RYR2: variants seen among roughly 807,000 people sequenced by gnomAD.
RYR2 encodes the protein ryanodine receptor 2, also known as cardiac muscle ryanodine receptor-calcium release channel.
RYR2 carries 227 observed loss-of-function variants against 601.1 expected under a neutral mutation model. That is an observed-to-expected ratio of 0.38 (90% CI 0.34 to 0.42). The LOEUF (loss-of-function observed/expected upper bound fraction) is 0.42. Ranked by LOEUF, RYR2 falls within the 10% of genes least tolerant of loss-of-function variation. The pLI is 1.00. For missense variants in RYR2, 4,646 were observed against 6,156.5 expected (o/e 0.75, Z 8.21); for synonymous variants, 2,223 against 2,175.1 (o/e 1.02, Z -0.61).
chr1:237,793,115 A>G (rs1407426733), intron 94 of RYR2, among the ~76,000 whole-genome samples: 1 of 152,134 alleles, frequency 6.6e-6, no homozygotes. Context: ...TTTCACTTTC[A>G]CTGTCCTCTG....
intron 78 of RYR2, among the ~76,000 whole-genome samples, chr1:237,733,285 A>G (rs1690851791): frequency 6.6e-6 from 1 of 152,188 alleles, no homozygotes; most frequent in East Asian, 1.9e-4. Context: ...GATCATTATT[A>G]TGGCCATCTT....
intron 12 of RYR2, among the ~76,000 whole-genome samples, chr1:237,435,332 G>A (rs1398810875): frequency 6.6e-6 from 1 of 152,158 alleles, no homozygotes. Context: ...CTGAGGCTTA[G>A]ACAAGTTATG....
At chr1:237,498,770 A>C (rs1324609130) in intron 20 of RYR2, among the ~76,000 whole-genome samples, 1 of 152,198 alleles carries the variant, frequency 6.6e-6, no homozygotes, top group Non-Finnish European at 1.5e-5. Context: ...GTAGAACAAT[A>C]AGAACAACAA....
chr1:237,641,497 C>CTTTCTTTCTTTCTT (rs1553265010), intron 47 of RYR2, among the ~76,000 whole-genome samples: 8 of 112,416 alleles, frequency 7.1e-5, no homozygotes, highest in Non-Finnish European at 9.4e-5. Context: ...TTCTTTCTTT[C>CTTTCTTTCTTTCTT]TTTCTTTCTT....
rs767212566 is a variant in RYR2 at position 237,700,470 on chromosome 1, A to G, written c.9367+3A>G. Reference sequence around the variant, plus strand: ...TCAGTTCGGAGAAGACCTAATATGTATGTAAATTTATATCTTGGAGTTTTT... The same window carrying G: ...TCAGTTCGGAGAAGACCTAATATGTGTGTAAATTTATATCTTGGAGTTTTT... On this transcript the variant is annotated splice_donor_region_variant and intron_variant, in intron 65 of 104. Transcript: ENST00000366574. 2.8e-6 allele frequency: 4 copies of G among 1,411,822 alleles called. No homozygotes were observed. The Admixed American group carries it at 5.7e-5, about 20-fold the overall frequency. The allele number at this position is 1,411,822 out of a possible 1,614,324, so 87.5% of individuals were successfully genotyped here. A position where few individuals can be genotyped will look rare whatever the true frequency, so the allele number is the denominator to read the frequency against.
At chr1:237,452,646 G>A (rs1441314573) in intron 14 of RYR2, among the ~76,000 whole-genome samples, 2 of 149,942 alleles carry the variant, frequency 1.3e-5, no homozygotes, top group Non-Finnish European at 3.0e-5. Flanking sequence ...GGAGGAACCT[G>A]TATTTGTTAG....
intron 1 of RYR2, among the ~76,000 whole-genome samples, chr1:237,208,936 G>GTGTGTATATATA (rs1418847642): frequency 3.5e-4 from 31 of 89,846 alleles, no homozygotes; most frequent in Non-Finnish European, 5.4e-4. Flanking sequence ...ATGTGTGTGT[G>GTGTGTATATATA]TATATATATA....
In RYR2 at chr1:237,678,032, C is replaced by T; in HGVS notation, c.8831-16C>T. The T allele has an allele frequency of 6.4e-7, 1 of 1,553,930 alleles. No homozygotes were observed. The highest frequency in any genetic ancestry group is 8.9e-7 in the Non-Finnish European group (1 of 1,127,418). On this transcript the variant is annotated splice_polypyrimidine_tract_variant and intron_variant, in intron 60 of 104. Transcript: ENST00000366574. ...TTCCAGTGCAGCATTTACCTAAAAACTCTTCAAATCTACAGATGGTGGCAG... is the reference window on the plus strand; with the variant it reads ...TTCCAGTGCAGCATTTACCTAAAAATTCTTCAAATCTACAGATGGTGGCAG...
At chr1:237,053,781 G>A (rs780330480) in intron 1 of RYR2, among the ~76,000 whole-genome samples, 11 of 152,158 alleles carry the variant, frequency 7.2e-5, no homozygotes, top group South Asian at 2.1e-4. Context: ...TCAGAAAACC[G>A]TCAGAGGAAA....
chr1:237,289,070 T>C (rs990386421), intron 2 of RYR2, among the ~76,000 whole-genome samples: 2 of 152,140 alleles, frequency 1.3e-5, no homozygotes, highest in Non-Finnish European at 2.9e-5. Flanking sequence ...AAACAGACCT[T>C]CGGCTTCTCC....
intron 1 of RYR2, among the ~76,000 whole-genome samples, chr1:237,122,198 G>C (rs1446688013): frequency 6.6e-6 from 1 of 152,220 alleles, no homozygotes; most frequent in African/African-American, 2.4e-5. Context: ...AGTTAAGAGG[G>C]AAGCAACCCA....
chr1:237,159,079 G>A (rs1413681886), intron 1 of RYR2, among the ~76,000 whole-genome samples: 1 of 152,118 alleles, frequency 6.6e-6, no homozygotes, highest in Non-Finnish European at 1.5e-5. Context: ...GATCACCTGA[G>A]GTCAGGAGTT....
chr1:237,322,746 A>T (rs996602888), intron 2 of RYR2, among the ~76,000 whole-genome samples: 19 of 151,692 alleles, frequency 1.3e-4, no homozygotes, highest in African/African-American at 4.6e-4. Flanking sequence ...TTTTTGTCTT[A>T]GTTATTGCTG....
At chr1:237,379,817 C>G (rs955381743) in intron 8 of RYR2, among the ~76,000 whole-genome samples, 1 of 152,060 alleles carries the variant, frequency 6.6e-6, no homozygotes, top group East Asian at 1.9e-4. Flanking sequence ...TGTTCTCTTT[C>G]CTGGTAATCT....
At chr1:237,722,870 T>C (rs1401636629) in intron 73 of RYR2, among the ~76,000 whole-genome samples, 1 of 146,270 alleles carries the variant, frequency 6.8e-6, no homozygotes, top group East Asian at 2.0e-4. Flanking sequence ...CTTTTGCCTG[T>C]ATGTGCTAAG....
chr1:237,235,241 G>A (rs1199170728), intron 1 of RYR2, among the ~76,000 whole-genome samples: 1 of 152,218 alleles, frequency 6.6e-6, no homozygotes, highest in Admixed American at 6.5e-5. Context: ...GAAGGCTCTT[G>A]TCAGGCTCTT....
At chr1:237,075,381 G>C (rs1332988117) in intron 1 of RYR2, among the ~76,000 whole-genome samples, 2 of 147,624 alleles carry the variant, frequency 1.4e-5, no homozygotes, top group Admixed American at 1.4e-4. Flanking sequence ...CATCTCACTA[G>C]GGAGTGCCAG....
intron 96 of RYR2, among the ~76,000 whole-genome samples, 177 bp downstream of exon 96, chr1:237,795,508 G>A (rs1659000203): frequency 6.6e-6 from 1 of 151,382 alleles, no homozygotes; most frequent in African/African-American, 2.4e-5. Flanking sequence ...CTGGAGTGCA[G>A]TAGCGCGATC....
At chr1:237,294,949 TA>T (rs1298912131) in intron 2 of RYR2, among the ~76,000 whole-genome samples, 4 of 152,126 alleles carry the variant, frequency 2.6e-5, no homozygotes, top group African/African-American at 9.7e-5. Context: ...CATGGTGGCT[TA>T]CGCCTATAAT....
Sources: gnomAD v4.1 joint callset for allele counts (sites outside exome capture counted in the v4.1 genomes callset) on GRCh38, gnomAD v4.1.1 for gene constraint, MANE v1.5 for transcripts, NCBI Gene and HGNC (gene_info 2026-07-23, HGNC 2026-07-21) for gene names.